RASGRP3: variants seen among roughly 807,000 people sequenced by gnomAD.
RASGRP3 encodes RAS guanyl releasing protein 3, also known as ras guanyl-releasing protein 3.
RASGRP3 carries 54 observed loss-of-function variants against 82.7 expected under a neutral mutation model. The ratio of observed to expected loss-of-function variants is 0.65; its 90% confidence interval spans 0.52 to 0.82. The LOEUF is 0.82. RASGRP3 is among the 40% of genes least tolerant of loss of function. The pLI is 0.00. For synonymous variants in RASGRP3, 309 were observed against 300.5 expected (o/e 1.03, Z -0.29); for missense variants, 861 against 828.9 (o/e 1.04, Z -0.48).
chr2:33,550,715 C>T (rs1184893605), intron 14 of RASGRP3, among the ~76,000 whole-genome samples: 1 of 152,178 alleles, frequency 6.6e-6, no homozygotes, highest in Non-Finnish European at 1.5e-5. Flanking sequence ...CCTGTTGACT[C>T]GTTGACCCAT....
chr2:33,507,789 G>C (rs533029037), intron 1 of RASGRP3, among the ~76,000 whole-genome samples: 2 of 152,320 alleles, frequency 1.3e-5, no homozygotes, highest in African/African-American at 4.8e-5. Flanking sequence ...GCCTCCCAAA[G>C]TGCTGGGATT....
intron 2 of RASGRP3, among the ~76,000 whole-genome samples, chr2:33,457,545 G>A (rs181841451): frequency 7.9e-5 from 12 of 151,718 alleles, no homozygotes; most frequent in East Asian, 7.7e-4. Flanking sequence ...TTGATGAATC[G>A]CCTCTTTTTT....
At chr2:33,504,271 G>A (rs1050668318) in intron 1 of RASGRP3, among the ~76,000 whole-genome samples, 12 of 152,016 alleles carry the variant, frequency 7.9e-5, no homozygotes, top group African/African-American at 2.9e-4. Flanking sequence ...AGGCCTCCTA[G>A]ATCTCCTTGG....
chr2:33,473,610 C>T (rs561483644), upstream of RASGRP3, among the ~76,000 whole-genome samples: 1 of 152,134 alleles, frequency 6.6e-6, no homozygotes, highest in Non-Finnish European at 1.5e-5. Context: ...ATGCTTGGAA[C>T]TGGTAGGGAG....
At chr2:33,461,522 C>G (rs1180600751) in intron 2 of RASGRP3, among the ~76,000 whole-genome samples, 1 of 152,244 alleles carries the variant, frequency 6.6e-6, no homozygotes, top group African/African-American at 2.4e-5. Flanking sequence ...AAGTGATCCA[C>G]CTGCCTTGGC....
At chr2:33,470,894 A>G (rs990122953) in intron 2 of RASGRP3, among the ~76,000 whole-genome samples, 1 of 152,144 alleles carries the variant, frequency 6.6e-6, no homozygotes, top group African/African-American at 2.4e-5. Flanking sequence ...CAGGTTGAAT[A>G]CTTTTGTCTC....
intron 1 of RASGRP3, chr2:33,493,271 C>T (rs1243829450): frequency 1.3e-5 from 2 of 152,224 alleles, no homozygotes; most frequent in Non-Finnish European, 2.9e-5. Context: ...TATCCCATCC[C>T]TATCCTTCTT....
chr2:33,550,484 C>A (rs11884210), intron 14 of RASGRP3, among the ~76,000 whole-genome samples: 4 of 152,098 alleles, frequency 2.6e-5, no homozygotes, highest in East Asian at 1.9e-4. Flanking sequence ...TTCCTTCCCC[C>A]ACCTTTGATA....
intron 11 of RASGRP3, 78 bp from the exon 12 acceptor site, chr2:33,539,016 G>A: frequency 9.5e-7 from 1 of 1,054,056 alleles, no homozygotes; most frequent in Non-Finnish European, 1.4e-6. Context: ...TCCAGCCTGG[G>A]CGACAGAACC....
Position 33,549,752 on chromosome 2 carries a change from G to C in RASGRP3, c.1542+1G>C. On this transcript the variant is annotated splice_donor_variant, in intron 14 of 17. Coordinates refer to ENST00000403687, the MANE Select transcript of RASGRP3 (RefSeq NM_001139488.2). LOFTEE classifies it high-confidence loss of function. ...CTTCTGCGAACACTGTGCGGGATTT[G>C]TAAGTCTGTTTTCCGTTGTTTTCTT... 1 of 1,611,646 alleles carries C rather than the reference G, an allele frequency of 6.2e-7. No homozygotes were observed. The highest frequency in any genetic ancestry group is 1.7e-4 in the Middle Eastern group (1 of 6,048).
chr2:33,531,382 C>T (rs756394632), intron 10 of RASGRP3, among the ~76,000 whole-genome samples: 2 of 152,108 alleles, frequency 1.3e-5, no homozygotes, highest in African/African-American at 2.4e-5. Context: ...TGGGCAGGTC[C>T]GTAAAGCCCA....
In RASGRP3 at chr2:33,549,661, A is replaced by T. The variant is rs1446807646; in HGVS notation, c.1452A>T (p.Gln484His). The T allele has an allele frequency of 6.2e-7, 1 of 1,610,084 alleles. No individual in the cohort carries two copies. Among genetic ancestry groups the T allele is most frequent in the South Asian group, 1.1e-5 (1 of 90,984 alleles). The part of the protein sequence containing the change: ...MMAYFLRAKS[Q>H]LHCKMGPGFI... ...CTTACTTCCTGAGAGCTAAATCCCA[A>T]CTACACTGTAAAATGGGACCAGGAT... The change falls in exon 14 of 18, where the codon CAA becomes CAT. Residue 484 changes from glutamine to histidine, a missense_variant. By Grantham distance (24) the Gln-to-His change is conservative (BLOSUM62 0). Transcript: ENST00000403687.
chr2:33,504,192 A>G (rs1040189257), intron 1 of RASGRP3, among the ~76,000 whole-genome samples: 1 of 152,114 alleles, frequency 6.6e-6, no homozygotes, highest in Non-Finnish European at 1.5e-5. Context: ...GTCTGACACT[A>G]TTGGACTTAG....
Position 33,523,867 on chromosome 2 carries a change from T to C in RASGRP3, c.517-12T>C. 1 of 1,597,384 alleles carries C rather than the reference T, an allele frequency of 6.3e-7. No homozygotes were observed. The highest frequency in any genetic ancestry group is 1.1e-5 in the South Asian group (1 of 88,622). Reference sequence around the variant, plus strand: ...TATTATAATTCAGAGTCTCTGAATCTTCCTTTCCTAGTTCACTGATTACCA... The same window carrying C: ...TATTATAATTCAGAGTCTCTGAATCCTCCTTTCCTAGTTCACTGATTACCA... On this transcript the variant is annotated splice_polypyrimidine_tract_variant and intron_variant, in intron 7 of 17. Transcript: ENST00000403687.
upstream of RASGRP3, chr2:33,476,170 A>G (rs1667349744): frequency 6.6e-6 from 1 of 152,218 alleles, no homozygotes; most frequent in Admixed American, 6.5e-5. Flanking sequence ...CTCGTCTAAC[A>G]AACTGGAGCC....
rs1673395282 is a variant in RASGRP3, at chr2:33,534,359, T to C, written c.1120T>C (p.Tyr374His). 3 of 1,582,220 alleles carry C rather than the reference T, an allele frequency of 1.9e-6. No homozygotes were observed. In the East Asian group the frequency reaches 6.7e-5, roughly 35 times the overall value. The part of the protein sequence containing the change: ...LDLYHTEDDI[Y>H]KLSLVLEPRN... ...CCTCTATCACACTGAAGATGATATT[T>C]ACAAACTGTCACTGGTGCTGGAGCC... The change falls in exon 11 of 18, where the codon TAC becomes CAC. Residue 374 changes from tyrosine (Y) to histidine (H), a missense_variant. By Grantham distance (83) the Tyr-to-His change is moderately conservative. Coordinates refer to ENST00000403687, the MANE Select transcript of RASGRP3 (RefSeq NM_001139488.2).
At chr2:33,487,727 T>G (rs977867405) in intron 1 of RASGRP3, among the ~76,000 whole-genome samples, 1 of 152,158 alleles carries the variant, frequency 6.6e-6, no homozygotes, top group Non-Finnish European at 1.5e-5. Context: ...TTGGGCAACA[T>G]AGTGAGACCT....
At chr2:33,529,834 C>G (rs1672940091) in intron 10 of RASGRP3, among the ~76,000 whole-genome samples, 1 of 149,228 alleles carries the variant, frequency 6.7e-6, no homozygotes, top group African/African-American at 2.5e-5. Flanking sequence ...ATGTAAGAAC[C>G]AGTGGAGCCT....
At chr2:33,471,316 T>TAGGACTAC (rs1667049168) in intron 2 of RASGRP3, among the ~76,000 whole-genome samples, 1 of 150,458 alleles carries the variant, frequency 6.6e-6, no homozygotes, top group Non-Finnish European at 1.5e-5. Flanking sequence ...GGTAGGACTA[T>TAGGACTAC]AGGCATCTGC....
Sources: allele counts gnomAD v4.1 joint callset (sites outside exome capture counted in the v4.1 genomes callset), GRCh38; gene constraint gnomAD v4.1.1; transcripts MANE v1.5; gene names NCBI Gene and HGNC (gene_info 2026-07-23, HGNC 2026-07-21).